ABTB2: variants seen among roughly 807,000 people sequenced by gnomAD.
The protein encoded by ABTB2 is ankyrin repeat and BTB/POZ domain-containing protein 2.
ABTB2 carries 56 observed loss-of-function variants against 104.1 expected under a neutral mutation model. The observed-to-expected ratio is 0.54, with a 90% CI of 0.43 to 0.67. ABTB2 has a LOEUF of 0.67. ABTB2 is among the 30% of genes least tolerant of loss of function. The probability of loss-of-function intolerance (pLI) is 0.00; values close to 1 mark genes in which losing one functional copy is unlikely to be tolerated. For missense variants in ABTB2, 1,279 were observed against 1,407.7 expected (o/e 0.91, Z 1.46); for synonymous variants, 606 against 608.2 (o/e 1.00, Z 0.05).
At position 34,197,546 on chromosome 11, in the gene ABTB2, G is replaced by A. The variant is rs778584977; in HGVS notation, c.1031-8C>T. On this transcript the variant is annotated splice_region_variant and splice_polypyrimidine_tract_variant and intron_variant, in intron 2 of 16. Transcript: ENST00000435224. ...CACGGGAGACCAAGTCACCTGGTGGGGGGCGGGGAGGGCAGAGGGGAGGAA... is the reference window on the plus strand; with the variant it reads ...CACGGGAGACCAAGTCACCTGGTGGAGGGCGGGGAGGGCAGAGGGGAGGAA... 1.9e-5 allele frequency: 29 copies of A among 1,551,060 alleles called. No individual in the cohort carries two copies. The highest frequency in any genetic ancestry group is 2.3e-5 in the Non-Finnish European group (27 of 1,150,458).
At chr11:34,243,806 C>G (rs900749106) in intron 1 of ABTB2, among the ~76,000 whole-genome samples, 2 of 152,144 alleles carry the variant, frequency 1.3e-5, no homozygotes, top group African/African-American at 2.4e-5. Context: ...GTCTAGAGCA[C>G]GGTTCTTCGC....
In ABTB2 at chr11:34,314,164, C is replaced by T. The variant is rs75288378; in HGVS notation, c.883+42537G>A. Among the ~76,000 whole-genome samples, 967 of 152,294 alleles carry T rather than the reference C, an allele frequency of 6.3e-3. 12 individuals are homozygous for T. Among genetic ancestry groups the T allele is most frequent in the African/African-American group, 0.022 (901 of 41,552 alleles). ...GCAGGTGGCTTTAATTCCCTGATAT[C>T]CAGCACCCCAAAACCCTCGAGGGTC... On this transcript the variant is annotated intron_variant, in intron 1 of 16. Transcript: ENST00000435224.
chr11:34,269,802 T>C (rs1348914073), intron 1 of ABTB2, among the ~76,000 whole-genome samples: 2 of 152,234 alleles, frequency 1.3e-5, no homozygotes, highest in African/African-American at 4.8e-5. Flanking sequence ...CTCAGAGAGG[T>C]TGTGTGTGCT....
intron 1 of ABTB2, among the ~76,000 whole-genome samples, chr11:34,290,115 G>T (rs1463206593): frequency 6.6e-6 from 1 of 152,190 alleles, no homozygotes; most frequent in Non-Finnish European, 1.5e-5. Context: ...ATTGGCCTTA[G>T]GATGGATTTT....
intron 1 of ABTB2, among the ~76,000 whole-genome samples, chr11:34,222,110 T>C (rs1330911102): frequency 2.0e-5 from 3 of 152,132 alleles, no homozygotes; most frequent in Non-Finnish European, 4.4e-5. Flanking sequence ...TGGGACAACT[T>C]GAAGCAAGGG....
chr11:34,229,936 G>C (rs919626774), intron 1 of ABTB2, among the ~76,000 whole-genome samples: 2 of 152,112 alleles, frequency 1.3e-5, no homozygotes, highest in African/African-American at 4.8e-5. Flanking sequence ...CTTGCCACTG[G>C]TTTCAGTTTT....
intron 1 of ABTB2, among the ~76,000 whole-genome samples, chr11:34,288,182 A>G (rs956164628): frequency 2.0e-5 from 3 of 152,142 alleles, no homozygotes; most frequent in Non-Finnish European, 2.9e-5. Flanking sequence ...CTTTTCACAT[A>G]CTCCAGAAAA....
At chr11:34,188,855 A>T (rs529601199) in intron 3 of ABTB2, among the ~76,000 whole-genome samples, 13 of 152,336 alleles carry the variant, frequency 8.5e-5, no homozygotes, top group African/African-American at 2.9e-4. Flanking sequence ...TGTCTGAGGG[A>T]AACATTCTCC....
At chr11:34,239,332 GCTGT>G (rs1292666328) in intron 1 of ABTB2, among the ~76,000 whole-genome samples, 1 of 152,076 alleles carries the variant, frequency 6.6e-6, no homozygotes, top group Non-Finnish European at 1.5e-5. Context: ...CATTGATGCT[GCTGT>G]CTTTTTTTAA....
Position 34,327,956 on chromosome 11 carries a change from A to G in ABTB2, c.883+28745T>C, listed in dbSNP as rs1023112593. Among the ~76,000 whole-genome samples, 5 of 152,104 alleles carry G rather than the reference A, an allele frequency of 3.3e-5. 1 individual carries two copies. Among genetic ancestry groups the G allele is most frequent in the African/African-American group, 1.2e-4 (5 of 41,406 alleles). ...CCTCGCTGGCTGTTTAACATTTCCA[A>G]CCCTCATTCTGCCTGTACTCTGAAA... On this transcript the variant is annotated intron_variant, in intron 1 of 16. Coordinates refer to ENST00000435224, the MANE Select transcript of ABTB2 (RefSeq NM_145804.3).
chr11:34,250,748 G>A (rs560245117), intron 1 of ABTB2, among the ~76,000 whole-genome samples: 109 of 152,236 alleles, frequency 7.2e-4, no homozygotes, highest in Middle Eastern at 3.4e-3. Flanking sequence ...TTCTTTCTGC[G>A]GCTACAAATG....
chr11:34,221,143 G>A (rs1343649075), intron 1 of ABTB2, among the ~76,000 whole-genome samples: 1 of 151,882 alleles, frequency 6.6e-6, no homozygotes, highest in African/African-American at 2.4e-5. Flanking sequence ...GCTAATTTTT[G>A]TATTTTTTTA....
chr11:34,343,159 T>C (rs972170183), intron 1 of ABTB2, among the ~76,000 whole-genome samples: 2 of 152,018 alleles, frequency 1.3e-5, no homozygotes, highest in African/African-American at 2.4e-5. Context: ...ATTTTAGATC[T>C]AGCCATGCCC....
At chr11:34,334,474 A>T (rs941404102) in intron 1 of ABTB2, among the ~76,000 whole-genome samples, 1 of 152,230 alleles carries the variant, frequency 6.6e-6, no homozygotes, top group Non-Finnish European at 1.5e-5. Flanking sequence ...GCTACCACCT[A>T]TTGAGAACCC....
intron 1 of ABTB2, among the ~76,000 whole-genome samples, chr11:34,216,841 C>G (rs995636579): frequency 6.6e-6 from 1 of 152,224 alleles, no homozygotes; most frequent in Non-Finnish European, 1.5e-5. Flanking sequence ...GCTTGGACAT[C>G]AGACCAAATT....
intron 1 of ABTB2, among the ~76,000 whole-genome samples, chr11:34,314,557 G>A (rs1377788022): frequency 1.3e-5 from 2 of 152,166 alleles, no homozygotes; most frequent in Non-Finnish European, 2.9e-5. Context: ...TTTCTTCTCT[G>A]CACACAGCTG....
intron 1 of ABTB2, among the ~76,000 whole-genome samples, chr11:34,291,542 C>A (rs1216638949): frequency 6.6e-6 from 1 of 152,224 alleles, no homozygotes; most frequent in Non-Finnish European, 1.5e-5. Context: ...GTTGCCCAGG[C>A]TGGAGTGCAA....
chr11:34,337,733 C>T (rs1855208487), intron 1 of ABTB2, among the ~76,000 whole-genome samples: 1 of 152,150 alleles, frequency 6.6e-6, no homozygotes, highest in Non-Finnish European at 1.5e-5. Context: ...TCACTAGTGT[C>T]CTGCTCACCT....
At chr11:34,344,297 A>C (rs2133125217) in intron 1 of ABTB2, among the ~76,000 whole-genome samples, 1 of 152,348 alleles carries the variant, frequency 6.6e-6, no homozygotes, top group South Asian at 2.1e-4. Flanking sequence ...GCTGCCTACA[A>C]AGAAGCTGGA....
Sources: gnomAD v4.1 joint callset for allele counts (sites outside exome capture counted in the v4.1 genomes callset) on GRCh38, gnomAD v4.1.1 for gene constraint, MANE v1.5 for transcripts, NCBI Gene and HGNC (gene_info 2026-07-23, HGNC 2026-07-21) for gene names.